ZC3H12B: variants seen among roughly 807,000 people sequenced by gnomAD.
ZC3H12B encodes the protein probable ribonuclease ZC3H12B.
Under a neutral mutation model 43.9 loss-of-function variants are expected in ZC3H12B, and 7 were observed. The ratio of observed to expected loss-of-function variants is 0.16; its 90% CI spans 0.09 to 0.30. ZC3H12B has a LOEUF of 0.30. Ranked by LOEUF, ZC3H12B falls within the 10% of genes least tolerant of loss-of-function variation. The pLI, the probability that ZC3H12B is intolerant of heterozygous loss-of-function variation, is 1.00. For synonymous variants in ZC3H12B, 222 were observed against 241.7 expected (o/e 0.92, Z 0.76); for missense variants, 475 against 670.2 (o/e 0.71, Z 3.22).
the ZC3H12B span, among the ~76,000 whole-genome samples, chrX:65,336,623 C>T: frequency 8.9e-6 from 1 of 111,739 alleles, no homozygotes; most frequent in East Asian, 2.8e-4. Context: ...AGATGGTCAC[C>T]CTGAGTAACA....
chrX:65,251,437 A>G, the ZC3H12B span, among the ~76,000 whole-genome samples: 2 of 111,599 alleles, frequency 1.8e-5, no homozygotes, highest in African/African-American at 6.5e-5. Context: ...TCTTGGTTCC[A>G]TATGAACTTT....
At chrX:65,334,798 T>C in the ZC3H12B span, among the ~76,000 whole-genome samples, 14 of 111,864 alleles carry the variant, frequency 1.3e-4, no homozygotes, top group Admixed American at 1.9e-4. Flanking sequence ...GTCCCATTTT[T>C]ATATCAAATC....
At chrX:65,402,641 T>C (rs1000446847) in intron 3 of ZC3H12B, among the ~76,000 whole-genome samples, 14 of 111,960 alleles carry the variant, frequency 1.3e-4, no homozygotes, top group Non-Finnish European at 1.7e-4. Flanking sequence ...AGACTCTATA[T>C]GTTTAGGAGA....
chrX:65,229,293 C>T, the ZC3H12B span, among the ~76,000 whole-genome samples: 3 of 111,845 alleles, frequency 2.7e-5, no homozygotes, highest in South Asian at 3.7e-4. Flanking sequence ...AAAGGATTCC[C>T]GATTTACTAA....
In ZC3H12B at chrX:65,457,001, G is replaced by A. The variant is rs752106938; in HGVS notation, n.408-31645G>A. The stretch of plus-strand genomic sequence containing the variant: ...CCATCCCATCTAGGAAGCGAGGAGC[G>A]CCTCTTCCCCGCTGCCATCCCATCT... On this transcript the variant is annotated intron_variant and non_coding_transcript_variant, in intron 3 of 5. Coordinates refer to the ZC3H12B transcript ENST00000617377. 2.7e-4 allele frequency among the ~76,000 whole-genome samples: 27 copies of A among 101,636 alleles called. No individual in the cohort carries two copies. The South Asian group carries it at 8.2e-3, about 31-fold the overall frequency. 88.3% of individuals were successfully genotyped at this position (101,636 alleles called of 115,157 possible).
At chrX:65,065,952 C>A in the ZC3H12B span, among the ~76,000 whole-genome samples, 1 of 106,688 alleles carries the variant, frequency 9.4e-6, no homozygotes, top group Non-Finnish European at 1.9e-5. Flanking sequence ...GATACTTGTG[C>A]ATGCTTCACA....
chrX:65,382,995 G>C (rs969283602), intron 2 of ZC3H12B, among the ~76,000 whole-genome samples: 3 of 111,056 alleles, frequency 2.7e-5, no homozygotes, highest in Non-Finnish European at 5.6e-5. Flanking sequence ...TCATGGGTAG[G>C]AAGAACCAAT....
At chrX:65,119,353 G>A in the ZC3H12B span, among the ~76,000 whole-genome samples, 1 of 111,906 alleles carries the variant, frequency 8.9e-6, no homozygotes, top group East Asian at 2.8e-4. Flanking sequence ...TAACTGTTGT[G>A]AGATGGTATC....
At chrX:65,035,816 T>C in the ZC3H12B span, among the ~76,000 whole-genome samples, 1 of 111,935 alleles carries the variant, frequency 8.9e-6, no homozygotes. Context: ...GTTAGGAAGA[T>C]AGTACTTATA....
the ZC3H12B span, among the ~76,000 whole-genome samples, chrX:65,219,192 C>T: frequency 1.8e-5 from 2 of 111,744 alleles, no homozygotes; most frequent in Non-Finnish European, 3.8e-5. Flanking sequence ...AGCCCCAGAT[C>T]TTCCCTCTGA....
At chrX:65,175,479 T>C in the ZC3H12B span, among the ~76,000 whole-genome samples, 1 of 112,301 alleles carries the variant, frequency 8.9e-6, no homozygotes, top group Non-Finnish European at 1.9e-5. Context: ...TTTGAAAATA[T>C]AAAGATTGAA....
At chrX:65,289,688 A>T in the ZC3H12B span, among the ~76,000 whole-genome samples, 1 of 110,436 alleles carries the variant, frequency 9.1e-6, no homozygotes. Flanking sequence ...AAATAAATTC[A>T]TACAGCCAAC....
At chrX:65,118,299 T>C in the ZC3H12B span, among the ~76,000 whole-genome samples, 2 of 111,659 alleles carry the variant, frequency 1.8e-5, no homozygotes, top group Non-Finnish European at 3.8e-5. Context: ...GTTGGATTCT[T>C]AGGTATTTTA....
intron 2 of ZC3H12B, among the ~76,000 whole-genome samples, chrX:65,376,171 T>TGTG (rs1190159673): frequency 2.7e-5 from 3 of 112,168 alleles, no homozygotes; most frequent in Non-Finnish European, 5.6e-5. Flanking sequence ...CCAGTGGGCC[T>TGTG]GTGGTGGTGG....
chrX:65,324,207 C>A, the ZC3H12B span, among the ~76,000 whole-genome samples: 2 of 111,926 alleles, frequency 1.8e-5, no homozygotes, highest in Admixed American at 9.5e-5. Context: ...AATTAGATTT[C>A]ATTTGTCAAT....
chrX:65,102,468 T>C, the ZC3H12B span, among the ~76,000 whole-genome samples: 1 of 112,141 alleles, frequency 8.9e-6, no homozygotes, highest in South Asian at 3.7e-4. Context: ...GATGACATGA[T>C]TGTATATTTA....
At chrX:65,225,967 G>C in the ZC3H12B span, among the ~76,000 whole-genome samples, 1 of 111,925 alleles carries the variant, frequency 8.9e-6, no homozygotes, top group Admixed American at 9.5e-5. Context: ...TATTATCCAG[G>C]AGAACTTCCC....
At chrX:65,394,554 G>A (rs887895956) in intron 2 of ZC3H12B, among the ~76,000 whole-genome samples, 1 of 111,636 alleles carries the variant, frequency 9.0e-6, no homozygotes, top group Non-Finnish European at 1.9e-5. Context: ...CGGTTCCATT[G>A]GTCTACATAT....
chrX:65,172,667 T>A, the ZC3H12B span, among the ~76,000 whole-genome samples: 3 of 112,483 alleles, frequency 2.7e-5, no homozygotes. Flanking sequence ...TCCAGCACCA[T>A]TTATTACATA....
Sources: gnomAD v4.1 joint callset for allele counts (sites outside exome capture counted in the v4.1 genomes callset) on GRCh38, gnomAD v4.1.1 for gene constraint, MANE v1.5 for transcripts, NCBI Gene and HGNC (gene_info 2026-07-23, HGNC 2026-07-21) for gene names.